The following SCAPER variants were observed in gnomAD, a reference collection of about 807,000 sequenced individuals.
The protein encoded by SCAPER is S-phase cyclin A associated protein in the ER.
A neutral mutation model predicts 182.2 loss-of-function variants in SCAPER; 98 were observed. That is an observed-to-expected ratio of 0.54 (90% CI 0.46 to 0.64). The LOEUF (loss-of-function observed/expected upper bound fraction) is 0.64, where lower values mean the gene tolerates loss of function less well. SCAPER is among the 30% of genes least tolerant of loss of function. The pLI is 0.00. For missense variants in SCAPER, 1,432 were observed against 1,690.0 expected (o/e 0.85, Z 2.68); for synonymous variants, 605 against 564.6 (o/e 1.07, Z -1.01).
intron 5 of SCAPER, among the ~76,000 whole-genome samples, chr15:76,816,141 A>T (rs2067059258): frequency 6.6e-6 from 1 of 152,216 alleles, no homozygotes; most frequent in East Asian, 1.9e-4. Context: ...CTGAGACTTT[A>T]TAAACTACAT....
At chr15:76,574,071 C>T (rs2047645853) in intron 23 of SCAPER, 87 bp downstream of exon 23, 1 of 1,342,556 alleles carries the variant, frequency 7.4e-7, no homozygotes, top group Non-Finnish European at 9.9e-7. Flanking sequence ...AAGGTATATA[C>T]TGAGTCTGCC....
intron 23 of SCAPER, among the ~76,000 whole-genome samples, chr15:76,559,519 T>C (rs1219066079): frequency 6.6e-6 from 1 of 152,180 alleles, no homozygotes; most frequent in Non-Finnish European, 1.5e-5. Context: ...TTAAACTCTT[T>C]CCTTTATAAA....
chr15:76,775,392 T>C (rs2063688951), intron 8 of SCAPER, among the ~76,000 whole-genome samples: 1 of 152,222 alleles, frequency 6.6e-6, no homozygotes, highest in Admixed American at 6.5e-5. Context: ...GAATACTATG[T>C]GTGAGTACTG....
intron 18 of SCAPER, among the ~76,000 whole-genome samples, chr15:76,705,629 T>A (rs1199332211): frequency 6.6e-6 from 1 of 151,160 alleles, no homozygotes; most frequent in Non-Finnish European, 1.5e-5. Context: ...ATGACTGAAC[T>A]GTGTAAGAAA....
intron 24 of SCAPER, among the ~76,000 whole-genome samples, chr15:76,472,715 G>A (rs1379182269): frequency 6.6e-6 from 1 of 152,090 alleles, no homozygotes; most frequent in Non-Finnish European, 1.5e-5. Context: ...TGTGGGGAAG[G>A]GTCATAGGTC....
chr15:76,511,620 C>T (rs17364714), intron 23 of SCAPER, among the ~76,000 whole-genome samples: 23,837 of 152,014 alleles, frequency 0.16, 2,296 homozygotes, highest in Middle Eastern at 0.23. Context: ...TTTTTCATGC[C>T]TCTGTGCTTT....
chr15:76,890,373 C>T (rs893847031), intron 1 of SCAPER, among the ~76,000 whole-genome samples: 3 of 152,096 alleles, frequency 2.0e-5, no homozygotes, highest in Admixed American at 2.0e-4. Context: ...ATAAATGAAT[C>T]CAGGAGCTGT....
intron 17 of SCAPER, among the ~76,000 whole-genome samples, chr15:76,722,007 T>C (rs1408128636): frequency 1.3e-5 from 2 of 152,192 alleles, no homozygotes; most frequent in African/African-American, 4.8e-5. Context: ...CTTGTGCCAG[T>C]TTTCAAAGGG....
At chr15:76,515,923 A>G (rs914951740) in intron 23 of SCAPER, among the ~76,000 whole-genome samples, 1 of 152,216 alleles carries the variant, frequency 6.6e-6, no homozygotes, top group African/African-American at 2.4e-5. Context: ...TTAGAATCCC[A>G]CAGCCTTGGA....
chr15:76,457,524 A>G (rs914741500), intron 25 of SCAPER, among the ~76,000 whole-genome samples: 1 of 152,016 alleles, frequency 6.6e-6, no homozygotes, highest in Non-Finnish European at 1.5e-5. Context: ...ATCCTATTTT[A>G]ATTTACCATT....
At chr15:76,423,667 G>C (rs1439054965) in intron 26 of SCAPER, among the ~76,000 whole-genome samples, 1 of 152,064 alleles carries the variant, frequency 6.6e-6, no homozygotes, top group Non-Finnish European at 1.5e-5. Flanking sequence ...GCTAGCTTTT[G>C]AATGTGTTTG....
At chr15:76,577,502 C>T (rs972850850) in intron 22 of SCAPER, among the ~76,000 whole-genome samples, 37 of 152,102 alleles carry the variant, frequency 2.4e-4, no homozygotes, top group Non-Finnish European at 4.3e-4. Flanking sequence ...ACTTGGAAAC[C>T]AGCTCAGCCA....
intron 17 of SCAPER, among the ~76,000 whole-genome samples, chr15:76,714,832 A>C (rs1336813120): frequency 6.6e-6 from 1 of 152,210 alleles, no homozygotes; most frequent in Non-Finnish European, 1.5e-5. Context: ...AAATACATCA[A>C]ATTGAAGTGG....
At chr15:76,838,064 G>A (rs1308693659) in intron 5 of SCAPER, among the ~76,000 whole-genome samples, 2 of 152,078 alleles carry the variant, frequency 1.3e-5, no homozygotes, top group Non-Finnish European at 2.9e-5. Flanking sequence ...ATACCCAAAG[G>A]AACATAAACT....
At chr15:76,758,856 C>T (rs2062602215) in intron 14 of SCAPER, among the ~76,000 whole-genome samples, 1 of 152,022 alleles carries the variant, frequency 6.6e-6, no homozygotes, top group African/African-American at 2.4e-5. Context: ...ATAAAGAAAA[C>T]TGTATCCTTA....
chr15:76,349,491 A>C (rs951717356), intron 31 of SCAPER: 14 of 152,130 alleles, frequency 9.2e-5, no homozygotes, highest in Admixed American at 9.2e-4. Context: ...GAAAACCAAA[A>C]TTCTTCCTGG....
At chr15:76,773,725 T>C (rs1334809741) in intron 9 of SCAPER, among the ~76,000 whole-genome samples, 1 of 151,812 alleles carries the variant, frequency 6.6e-6, no homozygotes, top group Admixed American at 6.6e-5. Flanking sequence ...TAAAGGAAGA[T>C]AAGGAATTTG....
intron 16 of SCAPER, among the ~76,000 whole-genome samples, chr15:76,732,989 G>A (rs186670709): frequency 3.9e-5 from 6 of 152,134 alleles, no homozygotes; most frequent in South Asian, 4.2e-4. Context: ...TACCCTGCCC[G>A]TTTGTCTTGT....
intron 21 of SCAPER, among the ~76,000 whole-genome samples, chr15:76,652,273 AATATATATATATAT>A (rs1172636102): frequency 1.6e-4 from 2 of 12,868 alleles, no homozygotes; most frequent in African/African-American, 6.3e-4. Context: ...AAAAAAAAAA[AATATATATATATAT>A]ATATATATAT....
Sources: gnomAD v4.1 joint callset for allele counts (sites outside exome capture counted in the v4.1 genomes callset) on GRCh38, gnomAD v4.1.1 for gene constraint, MANE v1.5 for transcripts, NCBI Gene and HGNC (gene_info 2026-07-23, HGNC 2026-07-21) for gene names.